The following SFTPA2 variants were observed in gnomAD, a reference collection of about 807,000 sequenced individuals.
SFTPA2 encodes the protein pulmonary surfactant-associated protein A2.
SFTPA2 carries 21 observed loss-of-function variants against 20.3 expected under a neutral mutation model. That is an observed-to-expected ratio of 1.03 (90% CI 0.73 to 1.49). SFTPA2 has a LOEUF of 1.49. Ranked by LOEUF, SFTPA2 falls within the 40% of genes most tolerant of loss-of-function variation. SFTPA2 has a pLI of 0.00. For synonymous variants in SFTPA2, 116 were observed against 118.7 expected (o/e 0.98, Z 0.15); for missense variants, 302 against 314.8 (o/e 0.96, Z 0.31).
At chr10:79,558,605 C>G (rs923858897) in intron 4 of SFTPA2, among the ~76,000 whole-genome samples, 13 of 152,152 alleles carry the variant, frequency 8.5e-5, no homozygotes, top group Non-Finnish European at 1.5e-4. Flanking sequence ...GACATGCCTC[C>G]CCTGCCTCCC....
At chr10:79,560,050 A>T (rs899211120) in intron 1 of SFTPA2, 52 bp from the exon 2 acceptor site, 2 of 1,070,430 alleles carry the variant, frequency 1.9e-6, no homozygotes, top group African/African-American at 3.3e-5. Context: ...CTTCAAGGTG[A>T]TCATCGGGGG....
At chr10:79,560,142 T>A in intron 1 of SFTPA2, 144 bp from the exon 2 acceptor site, 2 of 484,522 alleles carry the variant, frequency 4.1e-6, no homozygotes, top group Non-Finnish European at 5.5e-6. Flanking sequence ...TAGGCCCTGC[T>A]GAGTCCCTGG....
rs1282336562 is a variant in SFTPA2, at chr10:79,556,412, G to A, written c.*797C>T. ...GGGGAAAGTGGAGCCGGTGGCATGG[G>A]GGGTGGTGTGAATGCCCACCGAGGT... On this transcript the variant is annotated 3_prime_UTR_variant, in exon 6 of 6. Transcript: ENST00000372325. The A allele has an allele frequency of 6.2e-6, 1 of 161,076 alleles. No individual in the cohort carries two copies. Among genetic ancestry groups the A allele is most frequent in the African/African-American group, 2.4e-5 (1 of 41,456 alleles). 10.0% of individuals were successfully genotyped at this position (161,076 alleles called of 1,614,324 possible).
chr10:79,557,413 G>T lies in SFTPA2; in HGVS notation c.543C>A (p.Tyr181Ter), dbSNP rs1232790668. 1.9e-6 allele frequency: 3 copies of T among 1,613,950 alleles called. No individual in the cohort carries two copies. In the South Asian group the frequency reaches 3.3e-5, roughly 18 times the overall value. Residue 181 changes from tyrosine to a stop codon, truncating the protein, a stop_gained, in exon 6 of 6, where the codon TAC becomes TAA. Coordinates refer to ENST00000372325, the MANE Select transcript of SFTPA2 (RefSeq NM_001098668.4). LOFTEE classifies it high-confidence loss of function. ...TCAGGCCTACATAGGCATATGTGTT[G>T]TACTTCTTCACGAAGCTTGCAATGG... ...NEAIASFVKK[Y>*]NTYAYVGLTE... is the part of the protein sequence containing the mutation.
Position 79,558,876 on chromosome 10 carries a change from C to T in SFTPA2, c.292+10G>A, listed in dbSNP as rs1356212547. 1.2e-6 allele frequency: 2 copies of T among 1,614,136 alleles called. No homozygotes were observed. Among genetic ancestry groups the T allele is most frequent in the Non-Finnish European group, 1.7e-6 (2 of 1,180,020 alleles). ...ATGTTTCCACTGCCCACCTGCCCCGCCCTGCTCACCTGGAGGGCCTCTCTC... is the reference window on the plus strand; with the variant it reads ...ATGTTTCCACTGCCCACCTGCCCCGTCCTGCTCACCTGGAGGGCCTCTCTC... On this transcript the variant is annotated intron_variant, in intron 4 of 5. Coordinates refer to ENST00000372325, the MANE Select transcript of SFTPA2 (RefSeq NM_001098668.4).
chr10:79,558,627 TC>T (rs1858955825), intron 4 of SFTPA2, among the ~76,000 whole-genome samples: 1 of 152,090 alleles, frequency 6.6e-6, no homozygotes, highest in South Asian at 2.1e-4. Flanking sequence ...GTGCTGTCCC[TC>T]GTCCCACACC....
Position 79,556,838 on chromosome 10 carries a change from G to A in SFTPA2, c.*371C>T, listed in dbSNP as rs1858811991. On this transcript the variant is annotated 3_prime_UTR_variant, in exon 6 of 6. Coordinates refer to ENST00000372325, the MANE Select transcript of SFTPA2 (RefSeq NM_001098668.4). ...GAGGCAGAGCTGAGGGGACCAGGAG[G>A]CAGGCACTCTGTGTGACTTTGGAGG... is the stretch of plus-strand genomic sequence containing the variant. 1 of 398,554 alleles carries A rather than the reference G, an allele frequency of 2.5e-6. No individual in the cohort carries two copies. The highest frequency in any genetic ancestry group is 5.8e-5 in the East Asian group (1 of 17,176). The allele number at this position is 398,554 out of a possible 1,614,324, so 24.7% of individuals were successfully genotyped here.
Position 79,559,499 on chromosome 10 carries a change from C to T in SFTPA2, c.-16G>A, listed in dbSNP as rs546418144. ...ACAGCCACATGGCTCTGGGTCCAGT[C>T]GCTGCTCCTGCCGGAGGGATGGCCG... On this transcript the variant is annotated 5_prime_UTR_variant, in exon 3 of 6. Transcript: ENST00000372325. 9.3e-6 allele frequency: 15 copies of T among 1,606,968 alleles called. No individual in the cohort carries two copies. In the African/African-American group the frequency reaches 1.1e-4, roughly 11 times the overall value.
chr10:79,559,188 A>G (rs547810328), intron 3 of SFTPA2, 124 bp downstream of exon 3: 4 of 1,444,764 alleles, frequency 2.8e-6, no homozygotes, highest in African/African-American at 2.8e-5. Flanking sequence ...TGCAGACTGA[A>G]GTCCCACCCA....
In SFTPA2 at chr10:79,555,881, T is replaced by C. The variant is rs1858746768; in HGVS notation, c.*1328A>G. 6.6e-6 allele frequency: 1 copy of C among 152,236 alleles called. No individual in the cohort carries two copies. The highest frequency in any genetic ancestry group is 2.4e-5 in the African/African-American group (1 of 41,460). 9.4% of individuals were successfully genotyped at this position (152,236 alleles called of 1,614,324 possible). On this transcript the variant is annotated 3_prime_UTR_variant, in exon 6 of 6. Transcript: ENST00000372325. Reference sequence around the variant, plus strand: ...GAAACTCATGTGAACACACTAACGATTTATTATGCTTAAATCATCTTTATT... The same window carrying C: ...GAAACTCATGTGAACACACTAACGACTTATTATGCTTAAATCATCTTTATT...
At position 79,557,985 on chromosome 10, in the gene SFTPA2, G is replaced by A. The variant is rs145350846; in HGVS notation, c.370+67C>T. 3.7e-6 allele frequency: 6 copies of A among 1,605,492 alleles called. No individual in the cohort carries two copies. The African/African-American group carries it at 8.0e-5, about 21-fold the overall frequency. On this transcript the variant is annotated intron_variant, in intron 5 of 5. Transcript: ENST00000372325. ...TTGTTTGTCATCTCTATTCTAGAAG[G>A]TGGTGCTGAGAATGAGGGGAATTTG...
Position 79,558,922 on chromosome 10 carries a change from C to T in SFTPA2, c.256G>A (p.Gly86Arg). 6.2e-7 allele frequency: 1 copy of T among 1,614,152 alleles called. No homozygotes were observed. Among genetic ancestry groups the T allele is most frequent in the Non-Finnish European group, 8.5e-7 (1 of 1,180,014 alleles). Residue 86 changes from glycine (G) to arginine (R), a missense_variant, in exon 4 of 6, where the codon GGA becomes AGA. Physicochemically the swap from Gly to Arg is moderately radical, Grantham distance 125. This residue lies in a region of SFTPA2 where 264 missense variants were observed against 261.7 expected (regional missense o/e 1.01). Coordinates refer to ENST00000372325, the MANE Select transcript of SFTPA2 (RefSeq NM_001098668.4). ...CTCTCGCCAGCCTCCCCCTTCTCTC[C>T]ACGCTCTCCAGGGACACCAGGGGCT... Reference protein sequence around the residue: ...PGAPGVPGERGEKGEAGERGP... With the variant: ...PGAPGVPGERREKGEAGERGP...
rs1287373957 is a variant in SFTPA2 at position 79,559,388 on chromosome 10, G to A, written c.96C>T (p.Ile32=). The A allele has an allele frequency of 8.7e-6, 14 of 1,613,648 alleles. No homozygotes were observed. Among genetic ancestry groups the A allele is most frequent in the Non-Finnish European group, 1.2e-5 (14 of 1,179,840 alleles). The stretch of plus-strand genomic sequence containing the variant: ...GGCCGTGGGATCCAGGAGTGCCGGG[G>A]ATACCAGGGCTTCCAACACAAACGT... ...VKDVCVGSPG[I]PGTPGSHGLP... is the part of the protein sequence containing the mutation. The change falls in exon 3 of 6, where the codon ATC becomes ATT. Residue 32 remains isoleucine (I), a synonymous_variant. Transcript: ENST00000372325.
At position 79,557,306 on chromosome 10, in the gene SFTPA2, G is replaced by T; in HGVS notation, c.650C>A (p.Ala217Glu). The T allele has an allele frequency of 6.2e-7, 1 of 1,613,498 alleles. No homozygotes were observed. The highest frequency in any genetic ancestry group is 8.5e-7 in the Non-Finnish European group (1 of 1,179,456). Residue 217 changes from alanine (A) to glutamate (E), a missense_variant, in exon 6 of 6, where the codon GCA (alanine) becomes GAA (glutamate). By Grantham distance (107) the Ala-to-Glu change is moderately radical. This residue lies in a region of SFTPA2 where 264 missense variants were observed against 261.7 expected (regional missense o/e 1.01). Transcript: ENST00000372325. ...CACACACTGCTCTTTTCCCCGACCT[G>T]CAGGCTCCCCTCGGTACCAGTTGGT... is the stretch of plus-strand genomic sequence containing the variant. ...NYTNWYRGEP[A>E]GRGKEQCVEM...
rs1232416557 is a variant in SFTPA2 at position 79,556,435 on chromosome 10, G to GCC, written c.*773_*774insGG. The GCC allele has an allele frequency of 6.3e-6, 1 of 158,910 alleles. No homozygotes were observed. Among genetic ancestry groups the GCC allele is most frequent in the Non-Finnish European group, 1.5e-5 (1 of 68,284 alleles). 9.8% of individuals were successfully genotyped at this position (158,910 alleles called of 1,614,324 possible). A position where few individuals can be genotyped will look rare whatever the true frequency, so the allele number is the denominator to read the frequency against. On this transcript the variant is annotated 3_prime_UTR_variant, in exon 6 of 6. Transcript: ENST00000372325. ...GGGGGGTGGTGTGAATGCCCACCGAGGTCTGAAGTGGGGTGCAGATTTGTT... is the reference window on the plus strand; with the variant it reads ...GGGGGGTGGTGTGAATGCCCACCGAGCCGTCTGAAGTGGGGTGCAGATTTGTT...
At position 79,557,536 on chromosome 10, in the gene SFTPA2, G is replaced by A. The variant is rs1965707; in HGVS notation, c.420C>T (p.Ser140=). Residue 140 remains serine, a synonymous_variant, in exon 6 of 6, where the codon TCC becomes TCT. Coordinates refer to ENST00000372325, the MANE Select transcript of SFTPA2 (RefSeq NM_001098668.4). ...SIMTVGEKVF[S]SNGQSITFDA... ...CAAAAGTGATGGACTGCCCATTGCT[G>A]GAGAAGACCTTCTCTCCTACTGTCA... 0.28 allele frequency: 447,969 copies of A among 1,586,620 alleles called. 68,001 individuals carry two copies. The highest frequency in any genetic ancestry group is 0.45 in the East Asian group (19,926 of 44,324).
chr10:79,559,119 C>A (rs1859017169), intron 3 of SFTPA2, 114 bp from the exon 4 acceptor site: 1 of 1,608,134 alleles, frequency 6.2e-7, no homozygotes, highest in African/African-American at 1.3e-5. Flanking sequence ...TCCGTGGGCA[C>A]TATGAGGACA....
chr10:79,557,132 T>A lies in SFTPA2; in HGVS notation c.*77A>T, dbSNP rs559821468. On this transcript the variant is annotated 3_prime_UTR_variant, in exon 6 of 6. Coordinates refer to ENST00000372325, the MANE Select transcript of SFTPA2 (RefSeq NM_001098668.4). Reference sequence around the variant, plus strand: ...TCTGTTGAAAGGGAGTTCTAGCATCTCACAGACCAAGTGGATCCTGGGGAT... The same window carrying A: ...TCTGTTGAAAGGGAGTTCTAGCATCACACAGACCAAGTGGATCCTGGGGAT... 2.7e-4 allele frequency: 436 copies of A among 1,612,384 alleles called. No homozygotes were observed. Among genetic ancestry groups the A allele is most frequent in the Middle Eastern group, 8.3e-4 (5 of 6,056 alleles).
chr10:79,559,411 C>T lies in SFTPA2; in HGVS notation c.73G>A (p.Val25Ile), dbSNP rs753973926. The change falls in exon 3 of 6, where the codon GTT (valine) becomes ATT (isoleucine). Residue 25 changes from valine to isoleucine, a missense_variant. Val to Ile is a conservative substitution (Grantham distance 29). Transcript: ENST00000372325. ...ASGAACEVKDVCVGSPGIPGT... is the reference protein window; with the variant it reads ...ASGAACEVKDICVGSPGIPGT... ...GGGATACCAGGGCTTCCAACACAAA[C>T]GTCCTTCACTTCGCACGCAGCACCA... The T allele has an allele frequency of 2.2e-5, 35 of 1,613,648 alleles. No homozygotes were observed. Among genetic ancestry groups the T allele is most frequent in the East Asian group, 4.5e-5 (2 of 44,842 alleles).
Sources: gnomAD v4.1 joint callset for allele counts (sites outside exome capture counted in the v4.1 genomes callset) on GRCh38, gnomAD v4.1.1 for gene constraint, gnomAD v4.1.1 regional missense constraint, MANE v1.5 for transcripts, NCBI Gene and HGNC (gene_info 2026-07-23, HGNC 2026-07-21) for gene names.